PDE4B: variants seen among roughly 807,000 people sequenced by gnomAD.
The protein encoded by PDE4B is 3',5'-cyclic-AMP phosphodiesterase 4B.
A neutral mutation model predicts 82.2 loss-of-function variants in PDE4B; 20 were observed. The observed-to-expected ratio is 0.24, with a 90% CI of 0.17 to 0.35. The LOEUF (loss-of-function observed/expected upper bound fraction) is 0.35, where lower values mean the gene tolerates loss of function less well. PDE4B is among the 10% of genes least tolerant of loss of function. The pLI is 1.00. For missense variants in PDE4B, 655 were observed against 907.2 expected (o/e 0.72, Z 3.57); for synonymous variants, 320 against 318.9 (o/e 1.00, Z -0.04).
intron 3 of PDE4B, among the ~76,000 whole-genome samples, chr1:66,081,832 C>CTGTGTGTGTG (rs1242686089): frequency 1.6e-5 from 2 of 125,120 alleles, no homozygotes; most frequent in African/African-American, 3.0e-5. Context: ...CTCTCTCTCT[C>CTGTGTGTGTG]TGTGTGTGTG....
At chr1:65,992,710 G>A in intron 3 of PDE4B, 1 of 1,331,032 alleles carries the variant, frequency 7.5e-7, no homozygotes, top group South Asian at 2.0e-5. Flanking sequence ...GCCTGATAAA[G>A]CTCCTTGTGA....
At chr1:66,147,686 G>T (rs1355998958) in intron 3 of PDE4B, among the ~76,000 whole-genome samples, 1 of 152,164 alleles carries the variant, frequency 6.6e-6, no homozygotes. Flanking sequence ...GCAGTAATAG[G>T]GTGCTTCCAG....
intron 9 of PDE4B, among the ~76,000 whole-genome samples, chr1:66,359,000 G>A (rs1307448632): frequency 6.6e-6 from 1 of 152,198 alleles, no homozygotes; most frequent in Non-Finnish European, 1.5e-5. Flanking sequence ...TGGGCTCCAG[G>A]TTGCTGGTGC....
intron 1 of PDE4B, among the ~76,000 whole-genome samples, chr1:65,866,436 T>A (rs1222745386): frequency 2.0e-5 from 3 of 152,094 alleles, no homozygotes; most frequent in Non-Finnish European, 2.9e-5. Flanking sequence ...CAGAAACTTT[T>A]AAAAAAATAA....
intron 7 of PDE4B, among the ~76,000 whole-genome samples, chr1:66,270,804 A>G (rs1195700057): frequency 1.3e-5 from 2 of 152,250 alleles, no homozygotes; most frequent in Admixed American, 1.3e-4. Flanking sequence ...AAGAAAAGAG[A>G]TAAAAAAGAA....
chr1:66,120,295 A>G (rs1308327614), intron 3 of PDE4B, among the ~76,000 whole-genome samples: 4 of 152,012 alleles, frequency 2.6e-5, no homozygotes, highest in Non-Finnish European at 4.4e-5. Flanking sequence ...TGATTCCTTG[A>G]CCTAGACCCT....
chr1:66,305,631 A>G (rs891174133), intron 7 of PDE4B, among the ~76,000 whole-genome samples: 1 of 152,120 alleles, frequency 6.6e-6, no homozygotes, highest in African/African-American at 2.4e-5. Context: ...AGCTGTACTG[A>G]GACAAAATCC....
At chr1:66,043,079 A>T (rs1050712215) in intron 3 of PDE4B, among the ~76,000 whole-genome samples, 1 of 151,748 alleles carries the variant, frequency 6.6e-6, no homozygotes, top group Non-Finnish European at 1.5e-5. Context: ...AGGTCTCATT[A>T]AGGAAAAAGG....
At chr1:66,257,350 C>A (rs999046114) in intron 4 of PDE4B, 4 of 491,002 alleles carry the variant, frequency 8.1e-6, no homozygotes, top group African/African-American at 7.8e-5. Flanking sequence ...CTTTGAATTA[C>A]AGTACTCTGG....
chr1:65,792,952 G>T lies in PDE4B; in HGVS notation c.-367G>T, dbSNP rs1289669576. Among the ~76,000 whole-genome samples the T allele has an allele frequency of 6.6e-6, 1 of 151,870 alleles. No individual in the cohort carries two copies. The highest frequency in any genetic ancestry group is 2.1e-4 in the South Asian group (1 of 4,830). On this transcript the variant is annotated 5_prime_UTR_variant, in exon 1 of 17. Transcript: ENST00000341517. The stretch of plus-strand genomic sequence containing the variant: ...CCAGCGCCTGTGTCTCCCTGGCGCG[G>T]GTTCCCCAGGCTAGCCCGCTGGCCC...
intron 3 of PDE4B, among the ~76,000 whole-genome samples, chr1:66,003,822 T>G (rs1156675874): frequency 6.6e-6 from 1 of 152,180 alleles, no homozygotes; most frequent in Admixed American, 6.6e-5. Context: ...CAAGACTTCC[T>G]CCTGAGAGTC....
intron 2 of PDE4B, 121 bp from the exon 3 acceptor site, chr1:65,918,476 T>C: frequency 1.6e-6 from 1 of 636,282 alleles, no homozygotes. Context: ...AGATTCTGAT[T>C]GTGAGATAAT....
chr1:66,336,405 C>T (rs188579556), intron 8 of PDE4B, among the ~76,000 whole-genome samples: 21 of 152,200 alleles, frequency 1.4e-4, no homozygotes, highest in African/African-American at 3.4e-4. Context: ...AGGTGAAAAA[C>T]GTCAAAAGGG....
intron 3 of PDE4B, among the ~76,000 whole-genome samples, chr1:65,972,259 C>G (rs1020475572): frequency 1.3e-5 from 2 of 152,188 alleles, no homozygotes; most frequent in Non-Finnish European, 2.9e-5. Context: ...CATTTAGACA[C>G]TCAGTCCCCC....
intron 7 of PDE4B, among the ~76,000 whole-genome samples, chr1:66,308,552 A>G (rs1212807722): frequency 6.6e-6 from 1 of 152,216 alleles, no homozygotes; most frequent in African/African-American, 2.4e-5. Flanking sequence ...CTTAATATCA[A>G]AGATTAGTGT....
At chr1:66,178,265 A>G (rs1352828526) in intron 3 of PDE4B, among the ~76,000 whole-genome samples, 4 of 152,084 alleles carry the variant, frequency 2.6e-5, no homozygotes, top group African/African-American at 9.7e-5. Flanking sequence ...TATACCCACT[A>G]CTTTATTCTT....
chr1:66,052,262 A>G (rs1157535336), intron 3 of PDE4B, among the ~76,000 whole-genome samples: 1 of 152,228 alleles, frequency 6.6e-6, no homozygotes, highest in Non-Finnish European at 1.5e-5. Context: ...TTTCACATGT[A>G]TGCATAGCTT....
At chr1:65,812,232 A>G (rs1275796326) in intron 1 of PDE4B, among the ~76,000 whole-genome samples, 4 of 152,016 alleles carry the variant, frequency 2.6e-5, no homozygotes, top group African/African-American at 7.2e-5. Context: ...CTCTGACTCA[A>G]TTTTGGGTTC....
At chr1:65,845,493 A>G (rs1646257511) in intron 1 of PDE4B, among the ~76,000 whole-genome samples, 2 of 152,066 alleles carry the variant, frequency 1.3e-5, no homozygotes, top group African/African-American at 4.8e-5. Context: ...TTGTAACCCT[A>G]ACTTTATTGT....
Sources: allele counts gnomAD v4.1 joint callset (sites outside exome capture counted in the v4.1 genomes callset), GRCh38; gene constraint gnomAD v4.1.1; transcripts MANE v1.5; gene names NCBI Gene and HGNC (gene_info 2026-07-23, HGNC 2026-07-21).